The following NTMT1 variants were observed in gnomAD, a reference collection of about 807,000 sequenced individuals.
NTMT1 encodes N-terminal Xaa-Pro-Lys N-methyltransferase 1.
NTMT1 carries 8 observed loss-of-function variants against 17.5 expected under a neutral mutation model. The observed-to-expected ratio is 0.46, with a 90% CI of 0.27 to 0.82. The LOEUF (loss-of-function observed/expected upper bound fraction) is 0.82, where lower values mean the gene tolerates loss of function less well. NTMT1 is among the 40% of genes least tolerant of loss of function. The probability of loss-of-function intolerance (pLI) is 0.15; values close to 1 mark genes in which losing one functional copy is unlikely to be tolerated. For missense variants in NTMT1, 221 were observed against 303.5 expected (o/e 0.73, Z 2.02); for synonymous variants, 128 against 126.8 (o/e 1.01, Z -0.06).
chr9:129,619,509 C>G (rs1830562675), intron 1 of NTMT1: 1 of 1,596,504 alleles, frequency 6.3e-7, no homozygotes, highest in South Asian at 1.1e-5. Flanking sequence ...CTTATCCCGC[C>G]CATCACTCAC....
upstream of NTMT1, among the ~76,000 whole-genome samples, chr9:129,623,063 G>T (rs1830784964): frequency 1.3e-5 from 2 of 150,878 alleles, 1 homozygote; most frequent in African/African-American, 4.9e-5. Flanking sequence ...GCCGGGCACG[G>T]TGGCTCACGC....
chr9:129,610,990 C>T (rs1214746440), intron 1 of NTMT1, among the ~76,000 whole-genome samples: 1 of 152,166 alleles, frequency 6.6e-6, no homozygotes, highest in Non-Finnish European at 1.5e-5. Context: ...ATCAGGTACC[C>T]GGTGGAGGGG....
At chr9:129,626,973 A>C (rs1330213801) in intron 1 of NTMT1, among the ~76,000 whole-genome samples, 1 of 152,144 alleles carries the variant, frequency 6.6e-6, no homozygotes, top group Admixed American at 6.5e-5. Flanking sequence ...GGACAGTGTA[A>C]CCGGTGGTTG....
chr9:129,620,523 G>T lies in NTMT1; in HGVS notation c.-55+11345G>T. 6.9e-7 allele frequency: 1 copy of T among 1,444,892 alleles called. No individual in the cohort carries two copies. The highest frequency in any genetic ancestry group is 1.4e-5 in the South Asian group (1 of 71,954). The allele number at this position is 1,444,892 out of a possible 1,614,324, so 89.5% of individuals were successfully genotyped here. On this transcript the variant is annotated intron_variant, in intron 1 of 3. Transcript: ENST00000372486. The surrounding 1 kb of genome is among the most constrained non-coding windows in gnomAD (Gnocchi z 5.8). ...CGTCGGAAGTCTCCGTCGCCAGGGAGCCCCTTGGGCGCCAGGTCCTGGGCC... is the reference window on the plus strand; with the variant it reads ...CGTCGGAAGTCTCCGTCGCCAGGGATCCCCTTGGGCGCCAGGTCCTGGGCC...
chr9:129,618,990 A>C (rs956165239), intron 1 of NTMT1, among the ~76,000 whole-genome samples: 70 of 151,524 alleles, frequency 4.6e-4, no homozygotes, highest in African/African-American at 1.6e-3. Flanking sequence ...CTGGGATTAC[A>C]GGTGTGAGCC....
chr9:129,618,551 G>A (rs1178750120), intron 1 of NTMT1, among the ~76,000 whole-genome samples: 1 of 152,144 alleles, frequency 6.6e-6, no homozygotes, highest in Non-Finnish European at 1.5e-5. Flanking sequence ...GTAGGTTTGT[G>A]GATGGCTTTA....
At chr9:129,625,563 C>T (rs1297127770), upstream of NTMT1, among the ~76,000 whole-genome samples, 1 of 152,086 alleles carries the variant, frequency 6.6e-6, no homozygotes, top group Admixed American at 6.5e-5. Context: ...TCAATTTAGT[C>T]AAGTTTTGAG....
chr9:129,612,721 T>C (rs1354375375), intron 1 of NTMT1, among the ~76,000 whole-genome samples: 1 of 151,880 alleles, frequency 6.6e-6, no homozygotes, highest in Non-Finnish European at 1.5e-5. Flanking sequence ...CTACCGAAAA[T>C]ACAAAAATTA....
At chr9:129,610,882 G>C (rs977065353) in intron 1 of NTMT1, among the ~76,000 whole-genome samples, 2 of 152,180 alleles carry the variant, frequency 1.3e-5, no homozygotes, top group African/African-American at 4.8e-5. Context: ...GTCCAGAAAG[G>C]GAGACAGAAG....
chr9:129,617,269 G>A (rs559425215), intron 1 of NTMT1, among the ~76,000 whole-genome samples: 2 of 152,346 alleles, frequency 1.3e-5, no homozygotes, highest in African/African-American at 4.8e-5. Flanking sequence ...AAAGAGCCAA[G>A]CAGTTGGGAG....
intron 1 of NTMT1, chr9:129,612,524 A>C: frequency 8.1e-7 from 1 of 1,227,758 alleles, no homozygotes; most frequent in Non-Finnish European, 1.2e-6. Context: ...TCCCAGTGGG[A>C]TTCTGTGCTG....
upstream of NTMT1, among the ~76,000 whole-genome samples, chr9:129,625,611 A>G (rs1830860725): frequency 6.6e-6 from 1 of 150,596 alleles, no homozygotes; most frequent in Non-Finnish European, 1.5e-5. Flanking sequence ...CACGCATGTA[A>G]TCCCAGCAGT....
In NTMT1 at chr9:129,634,057, G is replaced by C; in HGVS notation, c.166G>C (p.Gly56Arg). The change falls in exon 3 of 4, where the codon GGC (glycine) becomes CGC (arginine). Residue 56 changes from glycine (G) to arginine (R), a missense_variant. Physicochemically the swap from Gly to Arg is moderately radical, Grantham distance 125 (BLOSUM62 -2). Coordinates refer to ENST00000372483, the MANE Select transcript of NTMT1 (RefSeq NM_014064.4). ...GTTATATGCCTCTGCTTTTCAGGAA[G>C]GCCCGAACAAGACAGGAACGTCCTG... ...RKFLQRFLRE[G>R]PNKTGTSCAL... 6.2e-7 allele frequency: 1 copy of C among 1,613,538 alleles called. No individual in the cohort carries two copies.
chr9:129,633,142 A>G (rs1343208330), intron 2 of NTMT1: 3 of 489,512 alleles, frequency 6.1e-6, no homozygotes, highest in Non-Finnish European at 1.1e-5. Flanking sequence ...GGGTTTTGCC[A>G]GGGACGAAAC....
Position 129,632,799 on chromosome 9 carries a change from G to A in NTMT1, c.96G>A (p.Gly32=), listed in dbSNP as rs750292886. ...QIPPTVDGML[G]GYGHISSIDI... ...CACCCACGGTGGACGGCATGCTTGG[G>A]GGGTATGGCCACATCTCCAGCATCG... Residue 32 remains glycine, a synonymous_variant, in exon 2 of 4, where the codon GGG becomes GGA. Transcript: ENST00000372483. The A allele has an allele frequency of 6.2e-7, 1 of 1,614,052 alleles. No individual in the cohort carries two copies. Among genetic ancestry groups the A allele is most frequent in the Admixed American group, 1.7e-5 (1 of 60,000 alleles).
intron 1 of NTMT1, among the ~76,000 whole-genome samples, chr9:129,631,510 T>G (rs1421606299): frequency 6.6e-6 from 1 of 152,100 alleles, no homozygotes; most frequent in Non-Finnish European, 1.5e-5. Flanking sequence ...TTCTCTCTCC[T>G]TCTACCGTGG....
At chr9:129,632,491 G>A (rs1181022389) in intron 1 of NTMT1, among the ~76,000 whole-genome samples, 159 bp from the exon 2 acceptor site, 1 of 152,250 alleles carries the variant, frequency 6.6e-6, no homozygotes, top group South Asian at 2.1e-4. Context: ...AGAAGATGCT[G>A]TTATCCAAGG....
chr9:129,619,835 A>G, intron 1 of NTMT1: 1 of 1,613,910 alleles, frequency 6.2e-7, no homozygotes, highest in Non-Finnish European at 8.5e-7. Context: ...GGGATGCTGG[A>G]GCCAGGAGGA....
At chr9:129,619,771 A>G in intron 1 of NTMT1, 1 of 1,614,050 alleles carries the variant, frequency 6.2e-7, no homozygotes, top group Non-Finnish European at 8.5e-7. Flanking sequence ...CAGTTGGGAC[A>G]CCGCGGAGAC....
Sources: allele counts gnomAD v4.1 joint callset (sites outside exome capture counted in the v4.1 genomes callset), GRCh38; gene constraint gnomAD v4.1.1; non-coding constraint Gnocchi (gnomAD v3.1); transcripts MANE v1.5; gene names NCBI Gene and HGNC (gene_info 2026-07-23, HGNC 2026-07-21).